CADM2: variants seen among roughly 807,000 people sequenced by gnomAD.
CADM2 encodes cell adhesion molecule 2, also known as immunoglobulin superfamily member 4D.
CADM2 carries 12 observed loss-of-function variants against 49.8 expected under a neutral mutation model. The ratio of observed to expected loss-of-function variants is 0.24; its 90% confidence interval spans 0.15 to 0.39. CADM2 has a LOEUF of 0.39. CADM2 is among the 10% of genes least tolerant of loss of function. The probability of loss-of-function intolerance (pLI) is 1.00; values close to 1 mark genes in which losing one functional copy is unlikely to be tolerated. For synonymous variants in CADM2, 214 were observed against 175.4 expected (o/e 1.22, Z -1.74); for missense variants, 378 against 492.3 (o/e 0.77, Z 2.20).
rs145253916 is a variant in CADM2 at position 85,330,774 on chromosome 3, T to C, written c.61+371106T>C. Reference sequence around the variant, plus strand: ...GGCAGTAAGTGCAGCCTGAGCAACATAGGGAGACTCCATCTCTCCAAAAAA... The same window carrying C: ...GGCAGTAAGTGCAGCCTGAGCAACACAGGGAGACTCCATCTCTCCAAAAAA... On this transcript the variant is annotated intron_variant, in intron 1 of 9. Coordinates refer to ENST00000383699, the MANE Select transcript of CADM2 (RefSeq NM_001167675.2). 5.9e-3 allele frequency among the ~76,000 whole-genome samples: 779 copies of C among 131,708 alleles called. 4 individuals are homozygous for C. Among genetic ancestry groups the C allele is most frequent in the African/African-American group, 0.021 (733 of 35,628 alleles). The allele number at this position is 131,708 out of a possible 152,430, so 86.4% of individuals were successfully genotyped here.
intron 6 of CADM2, among the ~76,000 whole-genome samples, chr3:85,919,720 G>A (rs1001595141): frequency 4.6e-5 from 7 of 151,766 alleles, no homozygotes; most frequent in East Asian, 1.9e-4. Context: ...GCCTTACTCC[G>A]TTTTAAAGAT....
intron 2 of CADM2, among the ~76,000 whole-genome samples, chr3:85,747,964 A>G (rs994098427): frequency 6.6e-6 from 1 of 152,126 alleles, no homozygotes; most frequent in African/African-American, 2.4e-5. Context: ...AAACTTTTTG[A>G]TATAAAGGAG....
At chr3:84,987,116 A>G (rs755364346) in intron 1 of CADM2, among the ~76,000 whole-genome samples, 1 of 151,862 alleles carries the variant, frequency 6.6e-6, no homozygotes, top group Non-Finnish European at 1.5e-5. Flanking sequence ...GTCCAGTTCA[A>G]TGGAATGTGT....
At chr3:85,321,133 T>C (rs1348757823) in intron 1 of CADM2, among the ~76,000 whole-genome samples, 7 of 15,322 alleles carry the variant, frequency 4.6e-4, no homozygotes, top group African/African-American at 2.6e-3. Flanking sequence ...TTTTTTTTTT[T>C]TTTTTTTTTT....
At chr3:85,804,308 T>C (rs1194942612) in intron 3 of CADM2, among the ~76,000 whole-genome samples, 1 of 152,168 alleles carries the variant, frequency 6.6e-6, no homozygotes, top group Non-Finnish European at 1.5e-5. Context: ...TGGTTATACA[T>C]ACATATTTAA....
chr3:85,956,084 G>A (rs542844984), intron 7 of CADM2, among the ~76,000 whole-genome samples: 2 of 151,562 alleles, frequency 1.3e-5, no homozygotes, highest in African/African-American at 2.4e-5. Context: ...AAAGAGAAAC[G>A]TTCTGGATGG....
At chr3:85,152,575 A>G (rs749113332) in intron 1 of CADM2, among the ~76,000 whole-genome samples, 7 of 152,162 alleles carry the variant, frequency 4.6e-5, no homozygotes, top group South Asian at 4.1e-4. Context: ...CAACCCCACC[A>G]AATTGTCTTT....
chr3:84,963,248 C>T (rs2030706725), intron 1 of CADM2, among the ~76,000 whole-genome samples: 1 of 152,110 alleles, frequency 6.6e-6, no homozygotes, highest in South Asian at 2.1e-4. Flanking sequence ...AAATGAATTT[C>T]TTTGCAAGGA....
chr3:85,563,410 G>GT (rs2062156039), intron 1 of CADM2, among the ~76,000 whole-genome samples: 1 of 122,040 alleles, frequency 8.2e-6, no homozygotes, highest in Admixed American at 8.9e-5. Flanking sequence ...TTGTGTGTGT[G>GT]TGGGGGGGTG....
intron 1 of CADM2, among the ~76,000 whole-genome samples, chr3:85,418,290 A>T (rs768941854): frequency 5.9e-5 from 9 of 152,150 alleles, no homozygotes; most frequent in Non-Finnish European, 4.4e-5. Flanking sequence ...TATGAATTTT[A>T]GTTAATAATA....
At chr3:85,596,473 A>G (rs1395990718) in intron 1 of CADM2, among the ~76,000 whole-genome samples, 2 of 152,136 alleles carry the variant, frequency 1.3e-5, no homozygotes, top group African/African-American at 4.8e-5. Context: ...TTGATATAAA[A>G]TGGTGACTGA....
chr3:85,071,828 A>G (rs1047255883), intron 1 of CADM2, among the ~76,000 whole-genome samples: 4 of 151,996 alleles, frequency 2.6e-5, no homozygotes, highest in African/African-American at 4.8e-5. Context: ...TGTGAAAGTT[A>G]TGATATATGA....
intron 1 of CADM2, among the ~76,000 whole-genome samples, chr3:85,577,659 TC>T (rs1032037119): frequency 3.3e-5 from 5 of 152,220 alleles, no homozygotes; most frequent in African/African-American, 1.2e-4. Flanking sequence ...TTTGTTTTTT[TC>T]CAAACACCAT....
At chr3:85,693,982 T>C (rs769832435) in intron 1 of CADM2, among the ~76,000 whole-genome samples, 6 of 151,078 alleles carry the variant, frequency 4.0e-5, no homozygotes, top group Non-Finnish European at 8.9e-5. Context: ...GAAAAATGCA[T>C]ATAAAGAATA....
chr3:85,069,021 A>G (rs2036627262), intron 1 of CADM2, among the ~76,000 whole-genome samples: 2 of 152,166 alleles, frequency 1.3e-5, no homozygotes, highest in East Asian at 1.9e-4. Context: ...CTAAATGTGT[A>G]TTCTATTTTT....
At chr3:85,543,554 G>T (rs2061599903) in intron 1 of CADM2, among the ~76,000 whole-genome samples, 1 of 152,038 alleles carries the variant, frequency 6.6e-6, no homozygotes, top group African/African-American at 2.4e-5. Context: ...AAAGTGCTGT[G>T]ATTACAGGCC....
At chr3:85,156,828 G>A (rs1269264035) in intron 1 of CADM2, among the ~76,000 whole-genome samples, 5 of 152,178 alleles carry the variant, frequency 3.3e-5, no homozygotes, top group Admixed American at 1.3e-4. Flanking sequence ...AGTGTTGGAA[G>A]TTCTGGCCAG....
chr3:85,536,402 A>AT (rs200541658), intron 1 of CADM2, among the ~76,000 whole-genome samples: 9 of 151,328 alleles, frequency 5.9e-5, no homozygotes, highest in East Asian at 5.8e-4. Flanking sequence ...TAAAAAAAAA[A>AT]TGATGTTTAT....
intron 3 of CADM2, among the ~76,000 whole-genome samples, chr3:85,873,290 A>G (rs1433575859): frequency 6.6e-6 from 1 of 152,222 alleles, no homozygotes; most frequent in Non-Finnish European, 1.5e-5. Flanking sequence ...AGAATTGTTA[A>G]AAACCAATTC....
Sources: allele counts gnomAD v4.1 joint callset (sites outside exome capture counted in the v4.1 genomes callset), GRCh38; gene constraint gnomAD v4.1.1; transcripts MANE v1.5; gene names NCBI Gene and HGNC (gene_info 2026-07-23, HGNC 2026-07-21).